The following ARHGEF4 variants were observed in gnomAD, a reference collection of about 807,000 sequenced individuals.
ARHGEF4 encodes APC-stimulated guanine nucleotide exchange factor 1.
A neutral mutation model predicts 162.0 loss-of-function variants in ARHGEF4; 119 were observed. The observed-to-expected ratio is 0.73, with a 90% CI of 0.63 to 0.86. The LOEUF (loss-of-function observed/expected upper bound fraction) is 0.86. ARHGEF4 is among the 40% of genes least tolerant of loss of function. The pLI, the probability that ARHGEF4 is intolerant of heterozygous loss-of-function variation, is 0.00. For synonymous variants in ARHGEF4, 1,014 were observed against 979.9 expected, an observed-to-expected ratio of 1.03 and a Z score of -0.65; for missense variants, 2,488 against 2,456.0, an observed-to-expected ratio of 1.01 and a Z score of -0.28.
chr2:130,930,136 GC>G (rs1184681206), intron 2 of ARHGEF4, among the ~76,000 whole-genome samples: 1 of 152,058 alleles, frequency 6.6e-6, no homozygotes, highest in African/African-American at 2.4e-5. Flanking sequence ...CTCGTGATCT[GC>G]CCGCCTCGGC....
In ARHGEF4 at chr2:130,931,204, G is replaced by T. The variant is rs780885839; in HGVS notation, c.3805G>T (p.Ala1269Ser). ...KTQRKKLQKQ[A>S]HVERRLHIGA... Reference sequence around the variant, plus strand: ...ACAGAGAAAGAAGTTGCAGAAGCAGGCCCACGTCGAAAGGAGGCTGCACAT... The same window carrying T: ...ACAGAGAAAGAAGTTGCAGAAGCAGTCCCACGTCGAAAGGAGGCTGCACAT... The change falls in exon 3 of 14, where the codon GCC becomes TCC. Residue 1269 changes from alanine (A) to serine (S), a missense_variant. Ala to Ser is a moderately conservative substitution (Grantham distance 99). Transcript: ENST00000409359. 3 of 1,613,946 alleles carry T rather than the reference G, an allele frequency of 1.9e-6. No individual in the cohort carries two copies. In the South Asian group the frequency reaches 3.3e-5, roughly 18 times the overall value.
intron 1 of ARHGEF4, among the ~76,000 whole-genome samples, chr2:130,850,689 A>G (rs561757736): frequency 6.6e-6 from 1 of 152,194 alleles, no homozygotes; most frequent in African/African-American, 2.4e-5. Flanking sequence ...TCCCTACCCC[A>G]TGTCCCTACC....
At chr2:131,035,221 C>T in intron 5 of ARHGEF4, 1 of 1,225,152 alleles carries the variant, frequency 8.2e-7, no homozygotes, top group Admixed American at 4.3e-5. Context: ...GCTCCTGGTT[C>T]TCATCAACGT....
At chr2:130,990,475 C>T (rs76277707) in intron 4 of ARHGEF4, among the ~76,000 whole-genome samples, 4,559 of 152,106 alleles carry the variant, frequency 0.03, 107 homozygotes, top group South Asian at 0.059. Flanking sequence ...ATTTTGTGCA[C>T]TGGGAAAGAA....
intron 4 of ARHGEF4, chr2:130,947,371 G>A (rs1359378124): frequency 6.6e-6 from 1 of 152,210 alleles, no homozygotes; most frequent in Non-Finnish European, 1.5e-5. Context: ...TCCACCCTGG[G>A]CGACAGAGTG....
At chr2:130,938,252 T>C (rs1029138694) in intron 3 of ARHGEF4, among the ~76,000 whole-genome samples, 1 of 152,218 alleles carries the variant, frequency 6.6e-6, no homozygotes, top group African/African-American at 2.4e-5. Context: ...TTCCACATTA[T>C]TTTCGAGAGG....
Position 130,915,198 on chromosome 2 carries a change from A to G in ARHGEF4, c.1252A>G (p.Thr418Ala), listed in dbSNP as rs1274003607. ...GFRLQRASQD[T>A]PSAGLLGENQ... ...TCGCTTGCAAAGGGCCTCTCAGGAC[A>G]CTCCTTCTGCAGGTCTCCTGGGGGA... Residue 418 changes from threonine to alanine, a missense_variant, in exon 2 of 14, where the codon ACT becomes GCT. Around this residue, in one of 6 missense-constraint regions of ARHGEF4, gnomAD observed 1,642 missense variants for 1,481.5 expected, o/e 1.11. Transcript: ENST00000409359. 2 of 1,550,422 alleles carry G rather than the reference A, an allele frequency of 1.3e-6. No homozygotes were observed. Among genetic ancestry groups the G allele is most frequent in the Non-Finnish European group, 1.7e-6 (2 of 1,146,972 alleles).
In ARHGEF4 at chr2:131,042,347, G is replaced by A. The variant is rs531330749; in HGVS notation, c.5025+403G>A. 3.2e-4 allele frequency among the ~76,000 whole-genome samples: 48 copies of A among 152,282 alleles called. 3 individuals are homozygous for A. In the South Asian group the frequency reaches 7.5e-3, roughly 24 times the overall value. On this transcript the variant is annotated intron_variant, in intron 10 of 13. Coordinates refer to ENST00000409359, the MANE Select transcript of ARHGEF4 (RefSeq NM_001367493.1). ...AACACAGCATGACCAAAAATGCATC[G>A]CCACCCATCAGAGCCTCCTGGTTCT...
At chr2:130,982,544 T>G (rs896060669) in intron 4 of ARHGEF4, among the ~76,000 whole-genome samples, 10 of 151,966 alleles carry the variant, frequency 6.6e-5, no homozygotes, top group Non-Finnish European at 1.5e-4. Flanking sequence ...GATTTTTTCT[T>G]CCTTCTTTTT....
At chr2:131,012,151 G>A (rs1163286410) in intron 4 of ARHGEF4, among the ~76,000 whole-genome samples, 1 of 152,178 alleles carries the variant, frequency 6.6e-6, no homozygotes, top group Non-Finnish European at 1.5e-5. Context: ...TCTCCTTGGA[G>A]GGAGGGTAGG....
intron 1 of ARHGEF4, among the ~76,000 whole-genome samples, chr2:130,871,429 G>A (rs374624243): frequency 1.3e-5 from 2 of 152,012 alleles, no homozygotes; most frequent in Admixed American, 1.3e-4. Context: ...CCAGCTACTC[G>A]GGAGACTGAG....
chr2:130,939,571 A>T lies in ARHGEF4; in HGVS notation c.3859-6938A>T, dbSNP rs559161593. On this transcript the variant is annotated intron_variant, in intron 3 of 13. Coordinates refer to ENST00000409359, the MANE Select transcript of ARHGEF4 (RefSeq NM_001367493.1). ...TTTTCAACATTGTTTTACACGTTCC[A>T]TGGCTAGTTCCTTCCAATAATAAAT... Among the ~76,000 whole-genome samples the T allele has an allele frequency of 8.5e-5, 13 of 152,216 alleles. No individual in the cohort carries two copies. The South Asian group carries it at 2.7e-3, about 32-fold the overall frequency.
chr2:131,026,106 G>C (rs564549620), intron 4 of ARHGEF4, among the ~76,000 whole-genome samples: 3 of 152,212 alleles, frequency 2.0e-5, no homozygotes, highest in Admixed American at 1.3e-4. Flanking sequence ...CTCAAGGACA[G>C]AGCAGACATT....
rs1300905433 is a variant in ARHGEF4 at position 130,926,008 on chromosome 2, TTTTCTCTC to T, written c.3553-4938_3553-4931del. Among the ~76,000 whole-genome samples the T allele has an allele frequency of 5.8e-4, 11 of 19,072 alleles. No homozygotes were observed. In the East Asian group the frequency reaches 0.064, roughly 111 times the overall value. 12.5% of individuals were successfully genotyped at this position (19,072 alleles called of 152,430 possible). ...GGTCCATGATGCTCTATTTGTTTGG[TTTTCTCTC>T]TTTCTTTCTTTCTTTCTTTCTTTCT... On this transcript the variant is annotated intron_variant, in intron 2 of 13. Transcript: ENST00000409359.
At chr2:130,902,424 T>C (rs1680534715) in intron 1 of ARHGEF4, among the ~76,000 whole-genome samples, 1 of 152,030 alleles carries the variant, frequency 6.6e-6, no homozygotes, top group African/African-American at 2.4e-5. Flanking sequence ...TAAAACCCTG[T>C]CTCTACTAAA....
chr2:130,964,793 G>C (rs550261346), intron 4 of ARHGEF4, among the ~76,000 whole-genome samples: 7 of 152,318 alleles, frequency 4.6e-5, no homozygotes, highest in African/African-American at 1.7e-4. Context: ...ACAAGACTGC[G>C]CTTTACCGAC....
chr2:130,951,939 A>G (rs1179450181), intron 4 of ARHGEF4, among the ~76,000 whole-genome samples: 1 of 152,166 alleles, frequency 6.6e-6, no homozygotes, highest in Non-Finnish European at 1.5e-5. Context: ...TTCTTAGCCT[A>G]TTACAGCTTT....
chr2:130,969,906 G>A (rs1310261281), intron 4 of ARHGEF4, among the ~76,000 whole-genome samples: 1 of 152,062 alleles, frequency 6.6e-6, no homozygotes, highest in Non-Finnish European at 1.5e-5. Flanking sequence ...CCTTTTGACT[G>A]GCTTCTTTAA....
intron 5 of ARHGEF4, among the ~76,000 whole-genome samples, chr2:131,034,703 C>G (rs1470359524): frequency 6.6e-6 from 1 of 152,186 alleles, no homozygotes; most frequent in Admixed American, 6.5e-5. Flanking sequence ...ATCTCTGAAA[C>G]GAGGAGGTCC....
Sources: gnomAD v4.1 joint callset for allele counts (sites outside exome capture counted in the v4.1 genomes callset) on GRCh38, gnomAD v4.1.1 for gene constraint, gnomAD v4.1.1 regional missense constraint, MANE v1.5 for transcripts, NCBI Gene and HGNC (gene_info 2026-07-23, HGNC 2026-07-21) for gene names.